ADGRG6: variants seen among roughly 807,000 people sequenced by gnomAD.
ADGRG6 encodes the protein adhesion G protein-coupled receptor G6.
ADGRG6 carries 84 observed loss-of-function variants against 142.4 expected under a neutral mutation model. The observed-to-expected ratio is 0.59, with a 90% CI of 0.49 to 0.71. The LOEUF is 0.71. ADGRG6 is among the 30% of genes least tolerant of loss of function. The pLI is 0.00. For missense variants in ADGRG6, 1,367 were observed against 1,466.6 expected (o/e 0.93, Z 1.11); for synonymous variants, 521 against 520.5 (o/e 1.00, Z -0.01).
intron 2 of ADGRG6, among the ~76,000 whole-genome samples, chr6:142,365,178 G>C (rs1455739614): frequency 6.6e-6 from 1 of 152,178 alleles, no homozygotes; most frequent in Non-Finnish European, 1.5e-5. Flanking sequence ...GAACTTGTCA[G>C]AAAGTCCTAA....
intron 16 of ADGRG6, among the ~76,000 whole-genome samples, chr6:142,409,042 A>G (rs1361491469): frequency 1.3e-5 from 2 of 152,152 alleles, no homozygotes; most frequent in Non-Finnish European, 2.9e-5. Context: ...CATAATATAA[A>G]TGTATCATCT....
Position 142,370,485 on chromosome 6 carries a change from G to T in ADGRG6, c.761G>T (p.Cys254Phe). 1 of 1,613,404 alleles carries T rather than the reference G, an allele frequency of 6.2e-7. No homozygotes were observed. The highest frequency in any genetic ancestry group is 8.5e-7 in the Non-Finnish European group (1 of 1,179,370). Residue 254 changes from cysteine (C) to phenylalanine (F), a missense_variant, in exon 4 of 25, where the codon TGC becomes TTC. Cys to Phe is a radical substitution (Grantham distance 205, BLOSUM62 -2). Coordinates refer to ENST00000367609, the MANE Select transcript of ADGRG6 (RefSeq NM_198569.3). ...TTTGCAGAAAGCTTTGAACAGCTCTGCCTTGTTTGGAATAATTCTTTGGGC... is the reference window on the plus strand; with the variant it reads ...TTTGCAGAAAGCTTTGAACAGCTCTTCCTTGTTTGGAATAATTCTTTGGGC... ...DIFAESFEQL[C>F]LVWNNSLGSI... is the part of the protein sequence containing the mutation.
At chr6:142,393,631 G>A (rs1472024985) in intron 8 of ADGRG6, among the ~76,000 whole-genome samples, 1 of 152,178 alleles carries the variant, frequency 6.6e-6, no homozygotes, top group African/African-American at 2.4e-5. Context: ...AGTTCAGGAA[G>A]TACGTTATTG....
intron 17 of ADGRG6, among the ~76,000 whole-genome samples, chr6:142,410,639 G>C (rs979025169): frequency 6.6e-6 from 1 of 152,042 alleles, no homozygotes; most frequent in Admixed American, 6.6e-5. Flanking sequence ...TTTTTTGATA[G>C]TTCTTGTCAC....
intron 2 of ADGRG6, among the ~76,000 whole-genome samples, chr6:142,356,466 T>C (rs950786585): frequency 1.2e-4 from 18 of 152,220 alleles, no homozygotes; most frequent in Admixed American, 1.1e-3. Flanking sequence ...CTCAGACTTA[T>C]GGCTCCAAAG....
chr6:142,349,983 C>A (rs1780085612), intron 2 of ADGRG6, among the ~76,000 whole-genome samples: 1 of 152,172 alleles, frequency 6.6e-6, no homozygotes. Flanking sequence ...ACTACCAGCA[C>A]TCGGGATATA....
chr6:142,318,149 T>TTTATATAA (rs1554230689), intron 2 of ADGRG6, among the ~76,000 whole-genome samples: 2 of 28,806 alleles, frequency 6.9e-5, no homozygotes, highest in Non-Finnish European at 1.0e-4. Context: ...ATAATATATA[T>TTTATATAA]TATATATTAT....
In ADGRG6 at chr6:142,405,733, T is replaced by A. The variant is rs1775771334; in HGVS notation, c.2173T>A (p.Leu725Met). ...GQVDPLASVI[L>M]PPNLLENLSP... is the part of the protein sequence containing the mutation. ...AGTGGATCCACTGGCATCTGTAATTTTGCCTCCAAACTTACTTGAGAATTT... is the reference window on the plus strand; with the variant it reads ...AGTGGATCCACTGGCATCTGTAATTATGCCTCCAAACTTACTTGAGAATTT... Residue 725 changes from leucine to methionine, a missense_variant, in exon 15 of 25, where the codon TTG (leucine) becomes ATG (methionine). By Grantham distance (15) the Leu-to-Met change is conservative. Transcript: ENST00000367609. The A allele has an allele frequency of 5.0e-6, 8 of 1,608,960 alleles. No homozygotes were observed. In the East Asian group the frequency reaches 1.8e-4, roughly 36 times the overall value.
At chr6:142,401,884 G>A in intron 11 of ADGRG6, 110 bp from the exon 12 acceptor site, 1 of 569,528 alleles carries the variant, frequency 1.8e-6, no homozygotes, top group Non-Finnish European at 3.1e-6. Flanking sequence ...AGGGAAGCTT[G>A]TCCATTGATC....
In ADGRG6 at chr6:142,434,617, G is replaced by A. The variant is rs79787441; in HGVS notation, c.3320-2817G>A. Among the ~76,000 whole-genome samples the A allele has an allele frequency of 9.6e-4, 146 of 152,214 alleles. 1 individual carries two copies. In the East Asian group the frequency reaches 0.024, roughly 25 times the overall value. On this transcript the variant is annotated intron_variant, in intron 22 of 24. Transcript: ENST00000367609. ...ATTGCAGGTGTAAGCCACCGCGTCC[G>A]GCCCTGAAGAACTTTTTATGGGCTG... is the stretch of plus-strand genomic sequence containing the variant.
chr6:142,304,628 T>A (rs1208394474), intron 1 of ADGRG6, among the ~76,000 whole-genome samples: 1 of 152,220 alleles, frequency 6.6e-6, no homozygotes, highest in African/African-American at 2.4e-5. Context: ...TAATAACTGC[T>A]TTTTAAAACC....
chr6:142,420,027 G>A lies in ADGRG6; in HGVS notation c.3242G>A (p.Trp1081Ter). The A allele has an allele frequency of 6.2e-7, 1 of 1,613,358 alleles. No homozygotes were observed. Among genetic ancestry groups the A allele is most frequent in the Non-Finnish European group, 8.5e-7 (1 of 1,179,418 alleles). ...VSLTFLLGMT[W>*]GFAFFAWGPL... Reference sequence around the variant, plus strand: ...TTGACCTTTCTGTTGGGCATGACATGGGGTTTTGCATTCTTTGCCTGGGGA... The same window carrying A: ...TTGACCTTTCTGTTGGGCATGACATAGGGTTTTGCATTCTTTGCCTGGGGA... Residue 1081 changes from tryptophan to a stop codon, truncating the protein, a stop_gained, in exon 22 of 25, where the codon TGG becomes TAG. Transcript: ENST00000367609. LOFTEE classifies it high-confidence loss of function.
rs114407759 is a variant in ADGRG6 at position 142,417,156 on chromosome 6, T to G, written c.2939-117T>G. 4,773 of 726,246 alleles carry G rather than the reference T, an allele frequency of 6.6e-3. 147 individuals are homozygous for G. The African/African-American group carries it at 0.072, about 11-fold the overall frequency. The allele number at this position is 726,246 out of a possible 1,614,324, so 45.0% of individuals were successfully genotyped here. ...AGAAGTTTGAATCTGGGATATGGAA[T>G]GTTGGCTTGCTTGCATTTCTCTTCT... On this transcript the variant is annotated intron_variant, in intron 20 of 24. Coordinates refer to ENST00000367609, the MANE Select transcript of ADGRG6 (RefSeq NM_198569.3).
intron 2 of ADGRG6, among the ~76,000 whole-genome samples, chr6:142,349,558 T>C (rs1279629646): frequency 6.6e-6 from 1 of 152,196 alleles, no homozygotes; most frequent in Admixed American, 6.5e-5. Flanking sequence ...CAGGGTACTG[T>C]CACTGGCTGT....
chr6:142,388,151 G>A (rs2114959072), intron 6 of ADGRG6, among the ~76,000 whole-genome samples: 1 of 152,220 alleles, frequency 6.6e-6, no homozygotes, highest in South Asian at 2.1e-4. Flanking sequence ...CAGCCCTTCA[G>A]TGGGCATATT....
rs769498618 is a variant in ADGRG6 at position 142,373,881 on chromosome 6, C to CTTT, written c.1069+3110_1069+3112dup. ...TAATACTTGTTTTTCTTTTTCTTTT[C>CTTT]TTTTTTTTTTTTTTTTTTTTTTTTA... On this transcript the variant is annotated intron_variant, in intron 4 of 24. Coordinates refer to ENST00000367609, the MANE Select transcript of ADGRG6 (RefSeq NM_198569.3). Among the ~76,000 whole-genome samples the CTTT allele has an allele frequency of 1.1e-4, 10 of 93,846 alleles. No homozygotes were observed. In the East Asian group the frequency reaches 1.5e-3, roughly 14 times the overall value. 61.6% of individuals were successfully genotyped at this position (93,846 alleles called of 152,430 possible). A position where few individuals can be genotyped will look rare whatever the true frequency, so the allele number is the denominator to read the frequency against.
chr6:142,436,811 G>A (rs1431891491), intron 22 of ADGRG6, among the ~76,000 whole-genome samples: 1 of 152,108 alleles, frequency 6.6e-6, no homozygotes, highest in African/African-American at 2.4e-5. Context: ...AGCACAAGGA[G>A]TGACTATAAA....
At chr6:142,359,040 C>T (rs1780587569) in intron 2 of ADGRG6, among the ~76,000 whole-genome samples, 1 of 146,568 alleles carries the variant, frequency 6.8e-6, no homozygotes, top group Non-Finnish European at 1.5e-5. Flanking sequence ...ATCCCCTCTA[C>T]AATTAAAAAA....
chr6:142,341,587 A>C (rs1303549687), intron 2 of ADGRG6, among the ~76,000 whole-genome samples: 2 of 120,262 alleles, frequency 1.7e-5, no homozygotes, highest in African/African-American at 3.5e-5. Context: ...AGTATATATA[A>C]TATTATATAT....
Sources: gnomAD v4.1 joint callset for allele counts (sites outside exome capture counted in the v4.1 genomes callset) on GRCh38, gnomAD v4.1.1 for gene constraint, MANE v1.5 for transcripts, NCBI Gene and HGNC (gene_info 2026-07-23, HGNC 2026-07-21) for gene names.